Variants in ARIH1 observed in about 807,000 individuals in gnomAD.
ARIH1 encodes the protein ariadne RBR E3 ubiquitin protein ligase 1.
Under a neutral mutation model 85.0 loss-of-function variants are expected in ARIH1, and 8 were observed. That is an observed-to-expected ratio of 0.09 (90% confidence interval 0.06 to 0.17). ARIH1 has a LOEUF of 0.17. ARIH1 is among the 10% of genes least tolerant of loss of function. The probability of loss-of-function intolerance (pLI) is 1.00; values close to 1 mark genes in which losing one functional copy is unlikely to be tolerated. For synonymous variants in ARIH1, 238 were observed against 253.6 expected (o/e 0.94, Z 0.59); for missense variants, 311 against 718.1 (o/e 0.43, Z 6.48).
intron 1 of ARIH1, among the ~76,000 whole-genome samples, chr15:72,497,543 CTT>C (rs1210374272): frequency 1.3e-5 from 2 of 152,098 alleles, no homozygotes; most frequent in Non-Finnish European, 1.5e-5. Context: ...AGTTTTAAAA[CTT>C]AATCATACGT....
rs945165810 is a variant in ARIH1 at position 72,543,087 on chromosome 15, C to T, written c.444-1733C>T. Among the ~76,000 whole-genome samples the T allele has an allele frequency of 9.9e-5, 15 of 151,752 alleles. 1 individual carries two copies. The highest frequency in any genetic ancestry group is 1.9e-4 in the East Asian group (1 of 5,142). On this transcript the variant is annotated intron_variant, in intron 2 of 13. Transcript: ENST00000379887. ...AGCTGGGATTAGAGGCACCTGCCAC[C>T]GCGCCCAGCTAATTTTTTTGTATTT...
intron 1 of ARIH1, among the ~76,000 whole-genome samples, chr15:72,481,078 G>A (rs981596929): frequency 1.3e-5 from 2 of 152,236 alleles, no homozygotes; most frequent in African/African-American, 2.4e-5. Flanking sequence ...TGTGCATGAT[G>A]TGTGCAGGCA....
At chr15:72,475,136 T>G (rs894109653) in intron 1 of ARIH1, 122 bp downstream of exon 1, 22 of 1,436,118 alleles carry the variant, frequency 1.5e-5, no homozygotes, top group Admixed American at 2.5e-5. Flanking sequence ...CCTCCCGGCC[T>G]TGTCTTCTCC....
At chr15:72,479,457 GAGC>G (rs968463243) in intron 1 of ARIH1, among the ~76,000 whole-genome samples, 1 of 151,646 alleles carries the variant, frequency 6.6e-6, no homozygotes, top group Admixed American at 6.6e-5. Flanking sequence ...CCAGGCTGGA[GAGC>G]AGTGGTGGCG....
chr15:72,487,128 T>C (rs2063840900), intron 1 of ARIH1, among the ~76,000 whole-genome samples: 1 of 152,162 alleles, frequency 6.6e-6, no homozygotes, highest in African/African-American at 2.4e-5. Context: ...TCTTTCCTTT[T>C]TTGCTCTGTT....
In ARIH1 at chr15:72,587,477, AGTT is replaced by A. The variant is rs2064322427; in HGVS notation, c.*4190_*4192del. The A allele has an allele frequency of 3.6e-6, 1 of 275,018 alleles. No individual in the cohort carries two copies. The highest frequency in any genetic ancestry group is 2.3e-5 in the African/African-American group (1 of 43,520). 17.0% of individuals were successfully genotyped at this position (275,018 alleles called of 1,614,324 possible). ...GCTTAATAGTACCCAAGTAATTTGC[AGTT>A]GTTGGTTTAGTTATTCAAATGAATT... On this transcript the variant is annotated 3_prime_UTR_variant, in exon 14 of 14. Transcript: ENST00000379887.
At chr15:72,559,270 G>GT (rs946685598) in intron 5 of ARIH1, among the ~76,000 whole-genome samples, 4 of 151,972 alleles carry the variant, frequency 2.6e-5, no homozygotes, top group Middle Eastern at 3.4e-3. Flanking sequence ...GGTTTTTTTT[G>GT]TTTTTTGTTT....
chr15:72,494,826 G>GA (rs34861459), intron 1 of ARIH1, among the ~76,000 whole-genome samples: 24 of 145,264 alleles, frequency 1.7e-4, no homozygotes, highest in African/African-American at 5.3e-4. Context: ...GAATTATTAG[G>GA]AAAAAAAAAA....
intron 5 of ARIH1, among the ~76,000 whole-genome samples, chr15:72,557,737 T>C (rs923810711): frequency 3.9e-5 from 6 of 152,196 alleles, no homozygotes; most frequent in Non-Finnish European, 5.9e-5. Flanking sequence ...GTGAAAGATA[T>C]AGGGGTCAAG....
At chr15:72,506,949 A>C (rs1164229954) in intron 1 of ARIH1, among the ~76,000 whole-genome samples, 1 of 151,932 alleles carries the variant, frequency 6.6e-6, no homozygotes, top group Non-Finnish European at 1.5e-5. Flanking sequence ...AAATATAGGA[A>C]TGTCATTCAG....
intron 7 of ARIH1, among the ~76,000 whole-genome samples, chr15:72,564,940 A>G (rs957737475): frequency 1.3e-5 from 2 of 152,108 alleles, no homozygotes; most frequent in African/African-American, 4.8e-5. Context: ...TTTAACATAC[A>G]CATTTTAGGG....
At chr15:72,544,446 G>T (rs997548691) in intron 2 of ARIH1, among the ~76,000 whole-genome samples, 1 of 151,962 alleles carries the variant, frequency 6.6e-6, no homozygotes, top group Non-Finnish European at 1.5e-5. Context: ...AGTTTTAGTT[G>T]CAGTACTGTT....
intron 6 of ARIH1, among the ~76,000 whole-genome samples, chr15:72,561,759 A>G (rs539124450): frequency 6.6e-6 from 1 of 152,172 alleles, no homozygotes; most frequent in Non-Finnish European, 1.5e-5. Flanking sequence ...AGGCGGGTGG[A>G]TCACCTGAGA....
chr15:72,474,577 C>T lies in ARIH1; in HGVS notation c.-63C>T. The stretch of plus-strand genomic sequence containing the variant: ...GCCGGAGCCGGAGCGAGAGCCGGGG[C>T]CTCGGCGTCCCCGCCCTCTCCCCGC... On this transcript the variant is annotated 5_prime_UTR_variant, in exon 1 of 14. Coordinates refer to ENST00000379887, the MANE Select transcript of ARIH1 (RefSeq NM_005744.5). 2 of 1,470,268 alleles carry T rather than the reference C, an allele frequency of 1.4e-6. No individual in the cohort carries two copies. Among genetic ancestry groups the T allele is most frequent in the Non-Finnish European group, 1.8e-6 (2 of 1,112,656 alleles). The allele number at this position is 1,470,268 out of a possible 1,614,324, so 91.1% of individuals were successfully genotyped here.
At chr15:72,500,243 C>T (rs949005031) in intron 1 of ARIH1, among the ~76,000 whole-genome samples, 1 of 151,994 alleles carries the variant, frequency 6.6e-6, no homozygotes, top group Admixed American at 6.6e-5. Context: ...TACAGGCGCA[C>T]ACCACCACGC....
intron 5 of ARIH1, among the ~76,000 whole-genome samples, chr15:72,560,387 C>T (rs140767291): frequency 5.4e-4 from 82 of 152,210 alleles, no homozygotes; most frequent in African/African-American, 1.6e-3. Context: ...ACAGTAATAG[C>T]GTCTAATATT....
rs2064340588 is a variant in ARIH1, at chr15:72,591,001, A to G, written c.*7709A>G. The G allele has an allele frequency of 6.6e-6, 1 of 152,128 alleles. No individual in the cohort carries two copies. The highest frequency in any genetic ancestry group is 1.5e-5 in the Non-Finnish European group (1 of 68,048). The allele number at this position is 152,128 out of a possible 1,614,324, so 9.4% of individuals were successfully genotyped here. A position where few individuals can be genotyped will look rare whatever the true frequency, so the allele number is the denominator to read the frequency against. On this transcript the variant is annotated 3_prime_UTR_variant, in exon 14 of 14. Transcript: ENST00000379887. ...CACTTTAGGAGGCTGAGGCAGGTGG[A>G]TCACGAGGTCGGGAGTTCGAGACCA...
intron 1 of ARIH1, among the ~76,000 whole-genome samples, chr15:72,503,071 C>G (rs1567341142): frequency 6.6e-6 from 1 of 152,202 alleles, no homozygotes; most frequent in Non-Finnish European, 1.5e-5. Flanking sequence ...CTTAGCCCCA[C>G]TAGGTGCTTC....
At position 72,595,094 on chromosome 15, in the gene ARIH1, C is replaced by G. The variant is rs947359420; in HGVS notation, c.*11802C>G. 2.0e-5 allele frequency: 3 copies of G among 152,022 alleles called. No homozygotes were observed. The highest frequency in any genetic ancestry group is 7.2e-5 in the African/African-American group (3 of 41,402). 9.4% of individuals were successfully genotyped at this position (152,022 alleles called of 1,614,324 possible). A position where few individuals can be genotyped will look rare whatever the true frequency, so the allele number is the denominator to read the frequency against. ...CTTTTAATAAGATTATTATGTATTT[C>G]TCTTTTTATTTTGTTAAGATGGTAT... is the stretch of plus-strand genomic sequence containing the variant. On this transcript the variant is annotated 3_prime_UTR_variant, in exon 14 of 14. Transcript: ENST00000379887.
Sources: allele counts gnomAD v4.1 joint callset (sites outside exome capture counted in the v4.1 genomes callset), GRCh38; gene constraint gnomAD v4.1.1; transcripts MANE v1.5; gene names NCBI Gene and HGNC (gene_info 2026-07-23, HGNC 2026-07-21).